LRRC49: variants seen among roughly 807,000 people sequenced by gnomAD.
LRRC49 encodes leucine-rich repeat-containing protein 49.
Under a neutral mutation model 83.3 loss-of-function variants are expected in LRRC49, and 50 were observed. The observed-to-expected ratio is 0.60, with a 90% CI of 0.48 to 0.76. The LOEUF is 0.76. Among genes scored for constraint, LRRC49 ranks in the 30% least tolerant of loss-of-function variants. The pLI, the probability that LRRC49 is intolerant of heterozygous loss-of-function variation, is 0.00. For missense variants in LRRC49, 704 were observed against 809.1 expected, an observed-to-expected ratio of 0.87 and a Z score of 1.58; for synonymous variants, 286 against 283.3, an observed-to-expected ratio of 1.01 and a Z score of -0.10.
chr15:70,870,956 T>TTTGTTTTTG (rs1555424842), intron 1 of LRRC49, among the ~76,000 whole-genome samples: 81,987 of 150,136 alleles, frequency 0.55, 23,292 homozygotes, highest in Admixed American at 0.7. Flanking sequence ...TTTTTTTTTT[T>TTTGTTTTTG]TTTTTTTTTA....
chr15:70,891,567 C>CTCTGTGTG (rs1229520079), upstream of LRRC49, among the ~76,000 whole-genome samples: 1 of 137,050 alleles, frequency 7.3e-6, no homozygotes, highest in Non-Finnish European at 1.6e-5. Context: ...GGACAAGACT[C>CTCTGTGTG]TGTGTGTGTG....
At chr15:70,883,801 C>G (rs182600797) in intron 2 of LRRC49, among the ~76,000 whole-genome samples, 4 of 151,898 alleles carry the variant, frequency 2.6e-5, no homozygotes, top group African/African-American at 9.7e-5. Context: ...ATTACAGGTG[C>G]CTGCCACCAT....
At chr15:70,919,371 G>C (rs996575592) in intron 7 of LRRC49, among the ~76,000 whole-genome samples, 178 bp downstream of exon 7, 1 of 152,250 alleles carries the variant, frequency 6.6e-6, no homozygotes, top group African/African-American at 2.4e-5. Flanking sequence ...AGGTATTGAG[G>C]TATTTTCCAT....
At chr15:70,907,921 C>A (rs1285291739) in intron 5 of LRRC49, 4 of 455,854 alleles carry the variant, frequency 8.8e-6, no homozygotes, top group Non-Finnish European at 1.8e-5. Flanking sequence ...CACATCAATA[C>A]CTAATCTGAC....
At chr15:70,860,333 C>G (rs986379125) in intron 1 of LRRC49, among the ~76,000 whole-genome samples, 1 of 152,214 alleles carries the variant, frequency 6.6e-6, no homozygotes, top group African/African-American at 2.4e-5. Context: ...TTACCCATGC[C>G]TCCAGCTACA....
intron 2 of LRRC49, chr15:70,882,345 C>T (rs1567034547): frequency 1.9e-6 from 2 of 1,043,346 alleles, no homozygotes; most frequent in Admixed American, 4.6e-5. Flanking sequence ...TATGCTGATA[C>T]TCAACTGTCA....
At chr15:70,968,318 A>C (rs999915151) in intron 9 of LRRC49, among the ~76,000 whole-genome samples, 5 of 152,106 alleles carry the variant, frequency 3.3e-5, no homozygotes, top group African/African-American at 1.2e-4. Context: ...ACATGAACTC[A>C]TTCTTTTTTA....
At chr15:70,986,560 T>A (rs910441874) in intron 11 of LRRC49, among the ~76,000 whole-genome samples, 9 of 152,216 alleles carry the variant, frequency 5.9e-5, no homozygotes. Context: ...TTTCTAGATA[T>A]ACAATCATGT....
intron 8 of LRRC49, among the ~76,000 whole-genome samples, chr15:70,952,585 A>G (rs1384407671): frequency 1.3e-5 from 2 of 152,142 alleles, no homozygotes; most frequent in Non-Finnish European, 2.9e-5. Context: ...CCATGTGCAG[A>G]TGAGAAGAAT....
chr15:71,030,780 T>C (rs763001460), intron 14 of LRRC49, among the ~76,000 whole-genome samples: 3 of 151,980 alleles, frequency 2.0e-5, no homozygotes, highest in Non-Finnish European at 2.9e-5. Flanking sequence ...CTTCAATCTC[T>C]GATATCCTTT....
intron 7 of LRRC49, among the ~76,000 whole-genome samples, chr15:70,922,198 G>A: frequency 6.6e-6 from 1 of 152,156 alleles, no homozygotes; most frequent in East Asian, 1.9e-4. Flanking sequence ...AAGAAAGGAA[G>A]TCAGGACATG....
At chr15:71,010,122 C>A in intron 13 of LRRC49, 130 bp downstream of exon 13, 3 of 498,894 alleles carry the variant, frequency 6.0e-6, no homozygotes, top group South Asian at 6.0e-5. Flanking sequence ...TTTAAATTGA[C>A]ATTTAAAATG....
intron 1 of LRRC49, chr15:70,854,033 C>T (rs11541653): frequency 6.9e-7 from 1 of 1,447,572 alleles, no homozygotes; most frequent in Admixed American, 2.5e-5. Flanking sequence ...GATGGCGACG[C>T]GGATCTGCAC....
At chr15:70,853,974 CCG>C in intron 1 of LRRC49, 1 of 1,461,276 alleles carries the variant, frequency 6.8e-7, no homozygotes, top group Non-Finnish European at 9.1e-7. Flanking sequence ...CCCCGAGTCT[CCG>C]CCCCCTCCTC....
chr15:70,882,978 AAGT>A (rs2033304993), intron 2 of LRRC49: 1 of 1,531,924 alleles, frequency 6.5e-7, no homozygotes, highest in Non-Finnish European at 8.9e-7. Flanking sequence ...CAAAAGTTAC[AAGT>A]AGTAAGACAG....
upstream of LRRC49, among the ~76,000 whole-genome samples, chr15:70,890,512 A>T (rs895735672): frequency 1.3e-5 from 2 of 152,344 alleles, no homozygotes; most frequent in African/African-American, 4.8e-5. Flanking sequence ...AAGAAATCAG[A>T]CATGATCCTA....
intron 11 of LRRC49, 193 bp downstream of exon 11, chr15:70,984,450 A>G (rs573189002): frequency 5.6e-5 from 26 of 466,838 alleles, no homozygotes; most frequent in African/African-American, 5.0e-4. Context: ...CATGCTTCAT[A>G]GGGCATTTCA....
At chr15:70,892,012 G>A (rs2033597680), upstream of LRRC49, 1 of 1,612,908 alleles carries the variant, frequency 6.2e-7, no homozygotes, top group Non-Finnish European at 8.5e-7. Context: ...GGTGCAGGGT[G>A]GGCACGGCGC....
Position 71,008,578 on chromosome 15 carries a change from G to A in LRRC49, c.1369G>A (p.Val457Met), listed in dbSNP as rs1391596449. ...CATAGAATTTGATGAAATCGTCCAA[G>A]TGCTTCCTAAACTGAAGATTAAGTT... is the stretch of plus-strand genomic sequence containing the variant. ...TFIEFDEIVQ[V>M]LPKLKIKFPN... The change falls in exon 12 of 16, where the codon GTG becomes ATG. Residue 457 changes from valine (V) to methionine (M), a missense_variant. Physicochemically the swap from Val to Met is conservative, Grantham distance 21. Around this residue, in one of 3 missense-constraint regions of LRRC49, gnomAD observed 275 missense variants for 338.0 expected, o/e 0.81. Transcript: ENST00000260382. 3.7e-6 allele frequency: 6 copies of A among 1,612,330 alleles called. No individual in the cohort carries two copies. The highest frequency in any genetic ancestry group is 5.1e-6 in the Non-Finnish European group (6 of 1,178,950).
Sources: gnomAD v4.1 joint callset for allele counts (sites outside exome capture counted in the v4.1 genomes callset) on GRCh38, gnomAD v4.1.1 for gene constraint, gnomAD v4.1.1 regional missense constraint, MANE v1.5 for transcripts, NCBI Gene and HGNC (gene_info 2026-07-23, HGNC 2026-07-21) for gene names.